The following SLC7A14 variants were observed in gnomAD, a reference collection of about 807,000 sequenced individuals.
SLC7A14 encodes solute carrier family 7 member 14.
In SLC7A14, 37 loss-of-function variants were observed where a neutral mutation model predicts 60.2. The observed-to-expected ratio is 0.61, with a 90% CI of 0.47 to 0.81. The LOEUF (loss-of-function observed/expected upper bound fraction) is 0.81. Among genes scored for constraint, SLC7A14 ranks in the 30% least tolerant of loss-of-function variants. SLC7A14 has a pLI of 0.00. For missense variants in SLC7A14, 886 were observed against 982.7 expected (o/e 0.90, Z 1.32); for synonymous variants, 399 against 395.8 (o/e 1.01, Z -0.10).
chr3:170,521,892 G>A (rs1039872756), intron 2 of SLC7A14, among the ~76,000 whole-genome samples: 3 of 151,988 alleles, frequency 2.0e-5, no homozygotes, highest in Non-Finnish European at 2.9e-5. Flanking sequence ...TTGCACACCA[G>A]CCTGGGAGAC....
intron 1 of SLC7A14, among the ~76,000 whole-genome samples, chr3:170,547,789 T>A (rs543478495): frequency 6.6e-6 from 1 of 152,336 alleles, no homozygotes; most frequent in Non-Finnish European, 1.5e-5. Context: ...AGAGAGTATA[T>A]GTCATCTGTG....
chr3:170,526,634 T>A lies in SLC7A14; in HGVS notation c.303A>T (p.Ser101=). 6.2e-7 allele frequency: 1 copy of A among 1,613,818 alleles called. No homozygotes were observed. Among genetic ancestry groups the A allele is most frequent in the African/African-American group, 1.3e-5 (1 of 75,040 alleles). ...FIIAAVASIL[S]GVCYAEFGVR... ...ACTTCCCTGCATGGAGACACTTACC[T>A]GATAATATGGATGCGACGGCTGCAA... is the stretch of plus-strand genomic sequence containing the variant. Residue 101 remains serine, a splice_region_variant and synonymous_variant, in exon 2 of 8, where the codon TCA becomes TCT. Coordinates refer to ENST00000231706, the MANE Select transcript of SLC7A14 (RefSeq NM_020949.3).
intron 4 of SLC7A14, among the ~76,000 whole-genome samples, chr3:170,490,548 T>A (rs922697199): frequency 4.6e-5 from 7 of 152,200 alleles, no homozygotes; most frequent in African/African-American, 1.7e-4. Context: ...TGGGGATGTT[T>A]AACTTGAAGA....
intron 7 of SLC7A14, among the ~76,000 whole-genome samples, chr3:170,471,213 A>C (rs982733697): frequency 3.3e-5 from 5 of 152,128 alleles, no homozygotes; most frequent in African/African-American, 9.7e-5. Flanking sequence ...CACAGTGAGC[A>C]GGTGGACAGT....
intron 1 of SLC7A14, among the ~76,000 whole-genome samples, chr3:170,551,086 T>C (rs146749463): frequency 1.3e-5 from 2 of 152,318 alleles, no homozygotes; most frequent in African/African-American, 4.8e-5. Context: ...ACCACTAATC[T>C]ACTTTCTTTC....
At chr3:170,576,113 A>G (rs1277519333) in intron 1 of SLC7A14, among the ~76,000 whole-genome samples, 2 of 152,168 alleles carry the variant, frequency 1.3e-5, no homozygotes, top group Non-Finnish European at 2.9e-5. Context: ...GTTCAATTAT[A>G]ATTTCCTCTG....
chr3:170,492,353 A>G (rs1030786816), intron 4 of SLC7A14, among the ~76,000 whole-genome samples: 2 of 152,136 alleles, frequency 1.3e-5, no homozygotes, highest in Non-Finnish European at 2.9e-5. Flanking sequence ...GTATTGAAAA[A>G]AATTAGCTAG....
At chr3:170,508,570 C>T (rs143659222) in intron 2 of SLC7A14, among the ~76,000 whole-genome samples, 2 of 152,294 alleles carry the variant, frequency 1.3e-5, no homozygotes, top group East Asian at 1.9e-4. Flanking sequence ...TGCCATCTCC[C>T]AGACACAGGA....
intron 7 of SLC7A14, among the ~76,000 whole-genome samples, chr3:170,472,999 A>G (rs1029523700): frequency 2.0e-5 from 3 of 152,200 alleles, no homozygotes; most frequent in African/African-American, 7.2e-5. Flanking sequence ...CTCATCCATC[A>G]TCCCAGGGAA....
chr3:170,507,155 C>A (rs1239785036), intron 2 of SLC7A14, among the ~76,000 whole-genome samples: 2 of 152,194 alleles, frequency 1.3e-5, no homozygotes, highest in African/African-American at 4.8e-5. Flanking sequence ...CTTACTTTGA[C>A]TATTCCCTAA....
rs1739560278 is a variant in SLC7A14 at position 170,459,915 on chromosome 3, G to A, written c.*7140C>T. 1 of 152,040 alleles carries A rather than the reference G, an allele frequency of 6.6e-6. No individual in the cohort carries two copies. Among genetic ancestry groups the A allele is most frequent in the Non-Finnish European group, 1.5e-5 (1 of 68,020 alleles). 9.4% of individuals were successfully genotyped at this position (152,040 alleles called of 1,614,324 possible). A position where few individuals can be genotyped will look rare whatever the true frequency, so the allele number is the denominator to read the frequency against. On this transcript the variant is annotated 3_prime_UTR_variant, in exon 8 of 8. Coordinates refer to ENST00000231706, the MANE Select transcript of SLC7A14 (RefSeq NM_020949.3). Reference sequence around the variant, plus strand: ...TTTAAATTTAAAGGCACACAATAAAGCTTTATGCATTTATTAAAATATACA... The same window carrying A: ...TTTAAATTTAAAGGCACACAATAAAACTTTATGCATTTATTAAAATATACA...
chr3:170,474,052 T>C (rs1711525716), intron 7 of SLC7A14, among the ~76,000 whole-genome samples: 1 of 152,216 alleles, frequency 6.6e-6, no homozygotes, highest in Non-Finnish European at 1.5e-5. Flanking sequence ...ACAGCAGCTC[T>C]GTTTGTAACA....
chr3:170,534,120 C>T (rs1354122855), intron 1 of SLC7A14, among the ~76,000 whole-genome samples: 1 of 152,178 alleles, frequency 6.6e-6, no homozygotes, highest in African/African-American at 2.4e-5. Flanking sequence ...TAGTAACAAA[C>T]AACCCCAAAT....
intron 7 of SLC7A14, among the ~76,000 whole-genome samples, chr3:170,474,946 G>A (rs983423043): frequency 6.6e-6 from 1 of 152,172 alleles, no homozygotes; most frequent in Non-Finnish European, 1.5e-5. Flanking sequence ...CAGCAGGCCC[G>A]AAGGATGCCC....
chr3:170,540,766 G>C (rs1713997206), intron 1 of SLC7A14, among the ~76,000 whole-genome samples: 1 of 152,116 alleles, frequency 6.6e-6, no homozygotes. Flanking sequence ...GATGTTGTCT[G>C]GTGACTTTTT....
chr3:170,533,650 A>AGTGTGTGTGTGTGTGTGTGT (rs55850380), intron 1 of SLC7A14, among the ~76,000 whole-genome samples: 2 of 148,962 alleles, frequency 1.3e-5, no homozygotes, highest in African/African-American at 4.9e-5. Context: ...CATCTGGCCC[A>AGTGTGTGTGTGTGTGTGTGT]GTGTGTGTGT....
At chr3:170,561,835 A>G (rs889132416) in intron 1 of SLC7A14, among the ~76,000 whole-genome samples, 12 of 152,352 alleles carry the variant, frequency 7.9e-5, no homozygotes, top group African/African-American at 2.4e-4. Context: ...GACTAAGGGC[A>G]TGAGTAGAAA....
rs771270448 is a variant in SLC7A14, at chr3:170,480,434, C to G, written c.1848G>C (p.Leu616=). The change falls in exon 7 of 8, where the codon CTG becomes CTC. Residue 616 remains leucine, a synonymous_variant. Transcript: ENST00000231706. ...LLISTLVFVI[L]QQPENPKKLP... ...GCTTCTTGGGGTTCTCTGGCTGCTG[C>G]AGGATCACAAACACCAGGGTGCTGA... The G allele has an allele frequency of 3.2e-5, 52 of 1,613,516 alleles. No individual in the cohort carries two copies. Among genetic ancestry groups the G allele is most frequent in the Non-Finnish European group, 4.3e-5 (51 of 1,179,682 alleles).
At chr3:170,584,174 C>T (rs951136813) in intron 1 of SLC7A14, among the ~76,000 whole-genome samples, 1 of 152,190 alleles carries the variant, frequency 6.6e-6, no homozygotes. Context: ...CAAATTGGCT[C>T]AATCCTTTCC....
Sources: allele counts gnomAD v4.1 joint callset (sites outside exome capture counted in the v4.1 genomes callset), GRCh38; gene constraint gnomAD v4.1.1; transcripts MANE v1.5; gene names NCBI Gene and HGNC (gene_info 2026-07-23, HGNC 2026-07-21).